The following GBF1 variants were observed in gnomAD, a reference collection of about 807,000 sequenced individuals.
GBF1 encodes golgi brefeldin A resistant guanine nucleotide exchange factor 1.
A neutral mutation model predicts 210.5 loss-of-function variants in GBF1; 114 were observed. The ratio of observed to expected loss-of-function variants is 0.54; its 90% CI spans 0.47 to 0.63. The LOEUF (loss-of-function observed/expected upper bound fraction) is 0.63, where lower values mean the gene tolerates loss of function less well. GBF1 is among the 30% of genes least tolerant of loss of function. GBF1 has a pLI of 0.00. For missense variants in GBF1, 1,851 were observed against 2,357.7 expected, an observed-to-expected ratio of 0.79 and a Z score of 4.45; for synonymous variants, 850 against 889.2, an observed-to-expected ratio of 0.96 and a Z score of 0.78.
intron 3 of GBF1, among the ~76,000 whole-genome samples, chr10:102,289,204 C>G (rs1029727987): frequency 1.6e-4 from 25 of 152,226 alleles, no homozygotes; most frequent in African/African-American, 6.0e-4. Context: ...ACAGGCAGAC[C>G]CTAAAGCTAA....
At chr10:102,337,161 G>A (rs1483597075) in intron 3 of GBF1, among the ~76,000 whole-genome samples, 3 of 151,434 alleles carry the variant, frequency 2.0e-5, no homozygotes, top group Non-Finnish European at 4.4e-5. Flanking sequence ...GGCGGATCAC[G>A]AGGTCAGGAG....
In GBF1 at chr10:102,363,401, G is replaced by T; in HGVS notation, c.2017+5G>T. The T allele has an allele frequency of 6.2e-7, 1 of 1,611,900 alleles. No individual in the cohort carries two copies. The highest frequency in any genetic ancestry group is 8.5e-7 in the Non-Finnish European group (1 of 1,178,676). On this transcript the variant is annotated splice_donor_5th_base_variant and intron_variant, in intron 16 of 39. Coordinates refer to ENST00000369983, the MANE Select transcript of GBF1 (RefSeq NM_001377137.1). The surrounding 1 kb of genome is among the most constrained non-coding windows in gnomAD (Gnocchi z 4.2). ...AGGAAGCTGTTGACTCTGGGGGTGG[G>T]TACTGGGTGTCCATGACCCTAAGCT...
chr10:102,356,524 G>A (rs910587780), intron 8 of GBF1, among the ~76,000 whole-genome samples: 6 of 152,156 alleles, frequency 3.9e-5, no homozygotes, highest in African/African-American at 1.4e-4. Flanking sequence ...CCAGTACTTT[G>A]GGAGGCCAAG....
chr10:102,286,000 A>C (rs1262052120), intron 3 of GBF1, among the ~76,000 whole-genome samples: 1 of 152,162 alleles, frequency 6.6e-6, no homozygotes, highest in Admixed American at 6.5e-5. Context: ...CCTGTTTTCA[A>C]AGTAAACAAA....
intron 3 of GBF1, among the ~76,000 whole-genome samples, chr10:102,342,964 G>T (rs377205678): frequency 6.6e-6 from 1 of 152,126 alleles, no homozygotes; most frequent in Non-Finnish European, 1.5e-5. Flanking sequence ...AACCACATAG[G>T]CTGGGTTCAA....
intron 3 of GBF1, among the ~76,000 whole-genome samples, chr10:102,272,837 G>T (rs144929689): frequency 6.6e-6 from 1 of 152,210 alleles, no homozygotes; most frequent in African/African-American, 2.4e-5. Context: ...CTCCTCCTAG[G>T]GGCTTGTGAG....
intron 3 of GBF1, among the ~76,000 whole-genome samples, chr10:102,341,589 A>G (rs1028252326): frequency 2.0e-5 from 3 of 152,238 alleles, no homozygotes; most frequent in Admixed American, 6.5e-5. Flanking sequence ...CATACAGGCA[A>G]TGAATACTAC....
At chr10:102,309,387 T>C (rs559849429) in intron 3 of GBF1, among the ~76,000 whole-genome samples, 3 of 152,344 alleles carry the variant, frequency 2.0e-5, no homozygotes, top group Admixed American at 2.0e-4. Context: ...TCTAATAAGA[T>C]GGCCTTTGGG....
Position 102,259,572 on chromosome 10 carries a change from C to G in GBF1, c.97-478C>G, listed in dbSNP as rs145707955. Among the ~76,000 whole-genome samples the G allele has an allele frequency of 1.8e-3, 277 of 151,856 alleles. 1 individual carries two copies. Among genetic ancestry groups the G allele is most frequent in the African/African-American group, 6.6e-3 (272 of 41,378 alleles). Reference sequence around the variant, plus strand: ...AGAATTGTGTAAAACAATTTTTGGCCCAGTTGTAAAAGCAAGTTTAGAAAT... The same window carrying G: ...AGAATTGTGTAAAACAATTTTTGGCGCAGTTGTAAAAGCAAGTTTAGAAAT... On this transcript the variant is annotated intron_variant, in intron 2 of 39. Transcript: ENST00000369983.
At position 102,376,820 on chromosome 10, in the gene GBF1, G is replaced by C. The variant is rs2135322540; in HGVS notation, c.4288+20G>C. On this transcript the variant is annotated intron_variant, in intron 32 of 39. Transcript: ENST00000369983. ...ATGGCGGTGGGTCAGCTGATGAGGG[G>C]GCAGCTGGGGAGTAGCCATGCAATT... 6.2e-7 allele frequency: 1 copy of C among 1,608,816 alleles called. No homozygotes were observed. The highest frequency in any genetic ancestry group is 1.1e-5 in the South Asian group (1 of 91,060).
chr10:102,266,073 T>G (rs1018540414), intron 3 of GBF1, among the ~76,000 whole-genome samples: 2 of 151,834 alleles, frequency 1.3e-5, no homozygotes, highest in African/African-American at 4.8e-5. Context: ...CCGTCTCTAC[T>G]AAAAAAATAC....
the GBF1 span, among the ~76,000 whole-genome samples, chr10:102,236,196 TC>T: frequency 6.6e-6 from 1 of 151,950 alleles, no homozygotes; most frequent in South Asian, 2.1e-4. Flanking sequence ...AAGATTAAGC[TC>T]CCCCAAACTG....
At chr10:102,241,699 C>A (rs1250883460), upstream of GBF1, among the ~76,000 whole-genome samples, 4 of 152,270 alleles carry the variant, frequency 2.6e-5, no homozygotes, top group African/African-American at 9.6e-5. This position sits in a 1 kb window ranked among gnomAD's most constrained non-coding sequence, Gnocchi z 6.7. Flanking sequence ...AGAACCCCGC[C>A]CTCTGGCCAA....
chr10:102,367,010 G>T, intron 19 of GBF1, 75 bp from the exon 20 acceptor site: 1 of 1,544,054 alleles, frequency 6.5e-7, no homozygotes, highest in South Asian at 1.2e-5. Flanking sequence ...TACTAGCACT[G>T]ACCAGTGGGT....
Position 102,259,102 on chromosome 10 carries a change from A to G in GBF1, c.96+68A>G. On this transcript the variant is annotated intron_variant, in intron 2 of 39. Transcript: ENST00000369983. ...TAGGGGATCTGTTGGCATGGTTAAA[A>G]GAGTAATCAAATTCCTAGTAATAAT... 3 of 829,720 alleles carry G rather than the reference A, an allele frequency of 3.6e-6. No homozygotes were observed. The East Asian group carries it at 7.3e-5, about 20-fold the overall frequency. The allele number at this position is 829,720 out of a possible 1,614,324, so 51.4% of individuals were successfully genotyped here. A position where few individuals can be genotyped will look rare whatever the true frequency, so the allele number is the denominator to read the frequency against.
At chr10:102,329,073 G>A (rs2057127387) in intron 3 of GBF1, among the ~76,000 whole-genome samples, 1 of 152,222 alleles carries the variant, frequency 6.6e-6, no homozygotes, top group Non-Finnish European at 1.5e-5. Context: ...ACAAGGCAGA[G>A]TGAAGGGCCA....
intron 3 of GBF1, among the ~76,000 whole-genome samples, chr10:102,288,502 G>C (rs1026153855): frequency 6.6e-6 from 1 of 151,206 alleles, no homozygotes; most frequent in Non-Finnish European, 1.5e-5. Flanking sequence ...ATGAGGTCAG[G>C]AGATCGAGAC....
intron 15 of GBF1, among the ~76,000 whole-genome samples, chr10:102,362,959 A>C (rs2059698863): frequency 6.6e-6 from 1 of 152,216 alleles, no homozygotes; most frequent in African/African-American, 2.4e-5. Flanking sequence ...TCCAGGTCCC[A>C]CCATCCCTCA....
upstream of GBF1, among the ~76,000 whole-genome samples, chr10:102,243,357 T>C (rs2070586347): frequency 6.6e-6 from 1 of 152,222 alleles, no homozygotes; most frequent in South Asian, 2.1e-4. Flanking sequence ...CCATGTCTGT[T>C]ATTCCCAGGC....
Sources: allele counts gnomAD v4.1 joint callset (sites outside exome capture counted in the v4.1 genomes callset), GRCh38; gene constraint gnomAD v4.1.1; non-coding constraint Gnocchi (gnomAD v3.1); transcripts MANE v1.5; gene names NCBI Gene and HGNC (gene_info 2026-07-23, HGNC 2026-07-21).